The following TBC1D30 variants were observed in gnomAD, a reference collection of about 807,000 sequenced individuals.
TBC1D30 encodes the protein TBC1 domain family, member 30.
In TBC1D30, 31 loss-of-function variants were observed where a neutral mutation model predicts 63.2. The ratio of observed to expected loss-of-function variants is 0.49; its 90% CI spans 0.37 to 0.66. TBC1D30 has a LOEUF of 0.66. Ranked by LOEUF, TBC1D30 falls within the 30% of genes least tolerant of loss-of-function variation. The pLI, the probability that TBC1D30 is intolerant of heterozygous loss-of-function variation, is 0.00. For synonymous variants in TBC1D30, 307 were observed against 361.5 expected (o/e 0.85, Z 1.71); for missense variants, 810 against 953.6 (o/e 0.85, Z 1.98).
At chr12:64,785,932 T>A (rs1656028622) in exon 2 of TBC1D30, 1 of 1,289,874 alleles carries the variant, frequency 7.8e-7, no homozygotes, top group African/African-American at 1.5e-5. Flanking sequence ...AGAATTGGCA[T>A]CCAGTCGGCC....
At chr12:64,809,323 C>A (rs1873068493) in intron 2 of TBC1D30, among the ~76,000 whole-genome samples, 1 of 151,670 alleles carries the variant, frequency 6.6e-6, no homozygotes, top group Non-Finnish European at 1.5e-5. Context: ...TAGCTTAGCT[C>A]CCACTTATAA....
At chr12:64,775,918 A>G (rs145583425), upstream of TBC1D30, among the ~76,000 whole-genome samples, 106 of 152,364 alleles carry the variant, frequency 7.0e-4, no homozygotes, top group African/African-American at 2.4e-3. Flanking sequence ...ACCTGAAATC[A>G]TAACAATATC....
rs923280034 is a variant in TBC1D30 at position 64,824,859 on chromosome 12, C to T, written c.-21C>T. Reference sequence around the variant, plus strand: ...GGACCGAGACGGACGGTAGCCGTGCCAGAGCCCGGGGCGCTCTCGGATGCG... The same window carrying T: ...GGACCGAGACGGACGGTAGCCGTGCTAGAGCCCGGGGCGCTCTCGGATGCG... On this transcript the variant is annotated 5_prime_UTR_variant, in exon 1 of 12. Transcript: ENST00000539867. 8 of 1,530,874 alleles carry T rather than the reference C, an allele frequency of 5.2e-6. No homozygotes were observed. In the East Asian group the frequency reaches 1.7e-4, roughly 33 times the overall value. 94.8% of individuals were successfully genotyped at this position (1,530,874 alleles called of 1,614,324 possible). A position where few individuals can be genotyped will look rare whatever the true frequency, so the allele number is the denominator to read the frequency against.
At chr12:64,835,728 T>C (rs899849373) in intron 5 of TBC1D30, among the ~76,000 whole-genome samples, 5 of 152,050 alleles carry the variant, frequency 3.3e-5, no homozygotes, top group African/African-American at 1.2e-4. Flanking sequence ...AGCCTAAACA[T>C]TGAATGGAAA....
chr12:64,831,479 T>C (rs1374136128), intron 4 of TBC1D30, among the ~76,000 whole-genome samples: 1 of 152,262 alleles, frequency 6.6e-6, no homozygotes, highest in Non-Finnish European at 1.5e-5. Context: ...TCTTTTGTTT[T>C]CTCATTGAAG....
chr12:64,845,439 C>G (rs970765955), intron 8 of TBC1D30, among the ~76,000 whole-genome samples: 1 of 152,052 alleles, frequency 6.6e-6, no homozygotes, highest in Non-Finnish European at 1.5e-5. Context: ...AACAATTGCT[C>G]CTGGGGGCTG....
intron 5 of TBC1D30, among the ~76,000 whole-genome samples, chr12:64,834,142 G>A (rs757475605): frequency 9.2e-5 from 14 of 152,138 alleles, no homozygotes; most frequent in Non-Finnish European, 1.6e-4. Flanking sequence ...TCCTTTAAGA[G>A]TGTATAGATC....
At chr12:64,864,639 G>A (rs1187773810) in intron 8 of TBC1D30, 29 bp from the exon 9 acceptor site, 1 of 1,445,816 alleles carries the variant, frequency 6.9e-7, no homozygotes, top group South Asian at 1.2e-5. Context: ...TACTGTTTCA[G>A]ACTTGGCATT....
intron 1 of TBC1D30, 57 bp downstream of exon 1, chr12:64,825,090 G>C (rs1016459074): frequency 3.1e-5 from 47 of 1,499,212 alleles, no homozygotes; most frequent in African/African-American, 2.8e-4. Context: ...GGCTGCCCGC[G>C]CTTCTGCCTT....
chr12:64,858,313 T>C (rs1877483307), intron 8 of TBC1D30, among the ~76,000 whole-genome samples: 1 of 152,234 alleles, frequency 6.6e-6, no homozygotes, highest in East Asian at 1.9e-4. Flanking sequence ...AGATGATGGC[T>C]GTCTTTCTAG....
At chr12:64,845,903 T>C (rs950700376) in intron 8 of TBC1D30, among the ~76,000 whole-genome samples, 11 of 152,110 alleles carry the variant, frequency 7.2e-5, no homozygotes, top group African/African-American at 2.7e-4. Context: ...CAAGTGATCC[T>C]CCCGCCGAGC....
At chr12:64,770,790 G>A (rs1276512939) in intron 1 of TBC1D30, among the ~76,000 whole-genome samples, 3 of 150,336 alleles carry the variant, frequency 2.0e-5, no homozygotes, top group East Asian at 2.0e-4. Context: ...TGCAACCTCC[G>A]CCTCCCGGGC....
chr12:64,833,666 A>G (rs1209053649), intron 5 of TBC1D30, among the ~76,000 whole-genome samples: 1 of 152,266 alleles, frequency 6.6e-6, no homozygotes, highest in African/African-American at 2.4e-5. Flanking sequence ...TGGACTAGTT[A>G]TAAATCCAGC....
chr12:64,828,244 T>C (rs1800242561), intron 2 of TBC1D30, among the ~76,000 whole-genome samples, 200 bp from the exon 3 acceptor site: 1 of 152,194 alleles, frequency 6.6e-6, no homozygotes, highest in South Asian at 2.1e-4. Flanking sequence ...CACAGATGTG[T>C]TAAGGGTGCC....
intron 8 of TBC1D30, among the ~76,000 whole-genome samples, chr12:64,853,857 A>G (rs764117953): frequency 6.6e-6 from 1 of 152,156 alleles, no homozygotes; most frequent in African/African-American, 2.4e-5. Flanking sequence ...TGAACGGGGT[A>G]TCTCAGTTGG....
intron 8 of TBC1D30, among the ~76,000 whole-genome samples, chr12:64,856,136 G>A (rs1877277106): frequency 6.6e-6 from 1 of 150,678 alleles, no homozygotes; most frequent in East Asian, 2.0e-4. Context: ...ATGTCACATA[G>A]CCAGAGCAGG....
chr12:64,805,307 C>T (rs1162601372), intron 2 of TBC1D30, among the ~76,000 whole-genome samples: 4 of 152,152 alleles, frequency 2.6e-5, no homozygotes, highest in South Asian at 2.1e-4. Context: ...GGCTTTATGG[C>T]GCTAAACAGT....
rs1340838017 is a variant in TBC1D30 at position 64,877,009 on chromosome 12, T to C, written c.*1221T>C. 4.6e-6 allele frequency: 2 copies of C among 431,014 alleles called. No individual in the cohort carries two copies. Among genetic ancestry groups the C allele is most frequent in the Non-Finnish European group, 9.4e-6 (2 of 212,572 alleles). 26.7% of individuals were successfully genotyped at this position (431,014 alleles called of 1,614,324 possible). A position where few individuals can be genotyped will look rare whatever the true frequency, so the allele number is the denominator to read the frequency against. ...CAATAGGTGGGTTTAATGCTCTTTG[T>C]ACACAGATGTATTGGCTACATAGCG... On this transcript the variant is annotated 3_prime_UTR_variant, in exon 12 of 12. Coordinates refer to ENST00000539867, the MANE Select transcript of TBC1D30 (RefSeq NM_015279.2).
In TBC1D30 at chr12:64,866,834, G is replaced by A; in HGVS notation, c.1222G>A (p.Val408Met). Reference sequence around the variant, plus strand: ...CGATGAGGATGCTGTCGTTAATGCAGTGGGGTGTCTTGGACCTTTTAGTGG... The same window carrying A: ...CGATGAGGATGCTGTCGTTAATGCAATGGGGTGTCTTGGACCTTTTAGTGG... The part of the protein sequence containing the change: ...PDDEDAVVNA[V>M]GCLGPFSGFL... Residue 408 changes from valine (V) to methionine (M), a missense_variant, in exon 10 of 12, where the codon GTG (valine) becomes ATG (methionine). Around this residue, in one of 4 missense-constraint regions of TBC1D30, gnomAD observed 450 missense variants for 473.0 expected, o/e 0.95. Transcript: ENST00000539867. The A allele has an allele frequency of 6.5e-7, 1 of 1,536,486 alleles. No individual in the cohort carries two copies.
Sources: allele counts gnomAD v4.1 joint callset (sites outside exome capture counted in the v4.1 genomes callset), GRCh38; gene constraint gnomAD v4.1.1; regional missense constraint gnomAD v4.1.1; transcripts MANE v1.5; gene names NCBI Gene and HGNC (gene_info 2026-07-23, HGNC 2026-07-21).